Variants in PHACTR3 observed in about 807,000 individuals in gnomAD.
PHACTR3 encodes the protein phosphatase and actin regulator 3.
A neutral mutation model predicts 66.8 loss-of-function variants in PHACTR3; 16 were observed. That is an observed-to-expected ratio of 0.24 (90% CI 0.16 to 0.36). The LOEUF (loss-of-function observed/expected upper bound fraction) is 0.36. Among genes scored for constraint, PHACTR3 ranks in the 10% least tolerant of loss-of-function variants. PHACTR3 has a pLI of 1.00. For synonymous variants in PHACTR3, 323 were observed against 292.1 expected (o/e 1.11, Z -1.08); for missense variants, 647 against 719.9 (o/e 0.90, Z 1.16).
chr20:59,686,083 G>A (rs954756275), intron 1 of PHACTR3, among the ~76,000 whole-genome samples: 6 of 152,050 alleles, frequency 3.9e-5, no homozygotes, highest in Admixed American at 6.5e-5. Context: ...CCAATGTGAC[G>A]GTTTTCCTTC....
At chr20:59,748,332 G>A (rs7268717) in intron 3 of PHACTR3, among the ~76,000 whole-genome samples, 8,113 of 152,112 alleles carry the variant, frequency 0.053, 330 homozygotes, top group African/African-American at 0.11. Context: ...AGCATCCCTG[G>A]GGAGAGAGGC....
chr20:59,701,565 T>A (rs1568725957), intron 1 of PHACTR3, among the ~76,000 whole-genome samples: 1 of 152,224 alleles, frequency 6.6e-6, no homozygotes. Flanking sequence ...CAACTCTTTT[T>A]AAAAAATAGA....
At chr20:59,645,840 G>A (rs980076364) in intron 1 of PHACTR3, among the ~76,000 whole-genome samples, 1 of 152,120 alleles carries the variant, frequency 6.6e-6, no homozygotes, top group African/African-American at 2.4e-5. Flanking sequence ...GGCACATCAT[G>A]AAAGCTTAAT....
At chr20:59,762,035 C>T (rs754367825) in intron 4 of PHACTR3, among the ~76,000 whole-genome samples, 27 of 152,282 alleles carry the variant, frequency 1.8e-4, no homozygotes, top group Middle Eastern at 3.4e-3. Context: ...TGCACACTCA[C>T]GTGAGATGCA....
intron 1 of PHACTR3, among the ~76,000 whole-genome samples, chr20:59,670,599 C>T (rs990144836): frequency 3.9e-3 from 56 of 14,330 alleles, no homozygotes; most frequent in Admixed American, 0.032. Flanking sequence ...AGGCATCTGC[C>T]GGGGGTGGGG....
At chr20:59,617,547 T>A (rs992243217) in intron 1 of PHACTR3, among the ~76,000 whole-genome samples, 1 of 135,014 alleles carries the variant, frequency 7.4e-6, no homozygotes, top group Non-Finnish European at 1.7e-5. Flanking sequence ...TTCCAGTCAT[T>A]TTTTTTTTTC....
rs576510966 is a variant in PHACTR3, at chr20:59,736,650, G to A, written c.119-6457G>A. Among the ~76,000 whole-genome samples the A allele has an allele frequency of 3.3e-5, 5 of 152,158 alleles. No individual in the cohort carries two copies. The highest frequency in any genetic ancestry group is 7.2e-5 in the African/African-American group (3 of 41,524). On this transcript the variant is annotated intron_variant, in intron 1 of 12. Coordinates refer to ENST00000371015, the MANE Select transcript of PHACTR3 (RefSeq NM_080672.5). This position sits in a 1 kb window ranked among gnomAD's most constrained non-coding sequence, Gnocchi z 4.6. ...TGTGCACACCTGCCCACCAGCATCC[G>A]CAGGCCACACCGTGCCGTGGATGAC...
chr20:59,841,619 C>T lies in PHACTR3; in HGVS notation c.1587+84C>T. 7.1e-6 allele frequency: 10 copies of T among 1,407,144 alleles called. No homozygotes were observed. In the South Asian group the frequency reaches 1.3e-4, roughly 19 times the overall value. The allele number at this position is 1,407,144 out of a possible 1,614,324, so 87.2% of individuals were successfully genotyped here. The stretch of plus-strand genomic sequence containing the variant: ...TCATGCCAGGGAGTTTATTCATAGA[C>T]AATGGGAGCCCTCAACTATTTAAGG... On this transcript the variant is annotated intron_variant, in intron 11 of 12. Coordinates refer to ENST00000371015, the MANE Select transcript of PHACTR3 (RefSeq NM_080672.5).
chr20:59,589,224 T>G (rs145522639), intron 1 of PHACTR3, among the ~76,000 whole-genome samples: 1 of 152,360 alleles, frequency 6.6e-6, no homozygotes, highest in Non-Finnish European at 1.5e-5. Context: ...GGAAGACCCT[T>G]GCACTATTAT....
chr20:59,660,273 T>C (rs973582749), intron 1 of PHACTR3, among the ~76,000 whole-genome samples: 2 of 152,168 alleles, frequency 1.3e-5, no homozygotes, highest in Non-Finnish European at 2.9e-5. Flanking sequence ...GGTGGGCAGA[T>C]CACGAGGTCA....
intron 1 of PHACTR3, among the ~76,000 whole-genome samples, chr20:59,635,601 C>G (rs2146407241): frequency 6.6e-6 from 1 of 152,262 alleles, no homozygotes; most frequent in Admixed American, 6.5e-5. Context: ...TGAACTTACT[C>G]TTTTGTGTGA....
chr20:59,827,604 C>A (rs539886316), intron 8 of PHACTR3, among the ~76,000 whole-genome samples: 4 of 152,122 alleles, frequency 2.6e-5, no homozygotes, highest in African/African-American at 9.7e-5. Flanking sequence ...ACTGGCTGCA[C>A]CCAGGAGGTG....
chr20:59,641,100 A>G (rs925301741), intron 1 of PHACTR3, among the ~76,000 whole-genome samples: 2 of 152,172 alleles, frequency 1.3e-5, no homozygotes, highest in Non-Finnish European at 2.9e-5. Flanking sequence ...TCAATAGGAT[A>G]TAGAGATTTA....
intron 1 of PHACTR3, among the ~76,000 whole-genome samples, chr20:59,720,113 G>A (rs1429632494): frequency 6.6e-6 from 1 of 152,166 alleles, no homozygotes; most frequent in Admixed American, 6.5e-5. Context: ...AACGAGGAAG[G>A]GGCACCGTGA....
In PHACTR3 at chr20:59,831,380, C is replaced by T. The variant is rs566975937; in HGVS notation, c.1329-5125C>T. Reference sequence around the variant, plus strand: ...AGCAGGGACCAGGTAGGGAGACCGGCAGATGCTGCTCTCTGTCCCTGGGGT... The same window carrying T: ...AGCAGGGACCAGGTAGGGAGACCGGTAGATGCTGCTCTCTGTCCCTGGGGT... On this transcript the variant is annotated intron_variant, in intron 8 of 12. Transcript: ENST00000371015. 2.6e-5 allele frequency among the ~76,000 whole-genome samples: 4 copies of T among 152,326 alleles called. No individual in the cohort carries two copies. In the East Asian group the frequency reaches 7.7e-4, roughly 29 times the overall value.
chr20:59,718,709 G>C (rs2038184373), intron 1 of PHACTR3, among the ~76,000 whole-genome samples: 1 of 152,196 alleles, frequency 6.6e-6, no homozygotes, highest in South Asian at 2.1e-4. Context: ...CTGAATATTG[G>C]CAGTTTTAAA....
At chr20:59,844,126 C>T (rs2059111910) in intron 11 of PHACTR3, 1 of 152,016 alleles carries the variant, frequency 6.6e-6, no homozygotes, top group Non-Finnish European at 1.5e-5. Flanking sequence ...GATGAGATAT[C>T]ATCTTATTCC....
rs1568864477 is a variant in PHACTR3, at chr20:59,830,165, G to GTGGAAGAGGGTGTGAGTGTCTGA, written c.1329-6326_1329-6325insAGTGTCTGATGGAAGAGGGTGTG. Among the ~76,000 whole-genome samples the GTGGAAGAGGGTGTGAGTGTCTGA allele has an allele frequency of 2.7e-5, 4 of 150,394 alleles. No individual in the cohort carries two copies. Among genetic ancestry groups the GTGGAAGAGGGTGTGAGTGTCTGA allele is most frequent in the Non-Finnish European group, 5.9e-5 (4 of 67,894 alleles). ...ACAGACAGGAGCATGTGCGTGTCTG[G>GTGGAAGAGGGTGTGAGTGTCTGA]TGGAAGAGGGTGTGCGTGTCTGATG... is the stretch of plus-strand genomic sequence containing the variant. On this transcript the variant is annotated intron_variant, in intron 8 of 12. Coordinates refer to ENST00000371015, the MANE Select transcript of PHACTR3 (RefSeq NM_080672.5). This position sits in a 1 kb window ranked among gnomAD's most constrained non-coding sequence, Gnocchi z 5.8.
chr20:59,669,936 CTTG>C (rs1383374616), intron 1 of PHACTR3, among the ~76,000 whole-genome samples: 1 of 152,166 alleles, frequency 6.6e-6, no homozygotes, highest in Admixed American at 6.5e-5. Context: ...TCACAACGTT[CTTG>C]TTTTGATGTA....
Sources: allele counts gnomAD v4.1 joint callset (sites outside exome capture counted in the v4.1 genomes callset), GRCh38; gene constraint gnomAD v4.1.1; non-coding constraint Gnocchi (gnomAD v3.1); transcripts MANE v1.5; gene names NCBI Gene and HGNC (gene_info 2026-07-23, HGNC 2026-07-21).